The following PDZK1 variants were observed in gnomAD, a reference collection of about 807,000 sequenced individuals.
PDZK1 encodes the protein Na(+)/H(+) exchange regulatory cofactor NHE-RF3.
In PDZK1, 23 loss-of-function variants were observed where a neutral mutation model predicts 38.1. That is an observed-to-expected ratio of 0.60 (90% CI 0.43 to 0.85). PDZK1 has a LOEUF of 0.85. Ranked by LOEUF, PDZK1 falls within the 40% of genes least tolerant of loss-of-function variation. The pLI is 0.00. For synonymous variants in PDZK1, 98 were observed against 186.2 expected (o/e 0.53, Z 3.86); for missense variants, 297 against 504.3 (o/e 0.59, Z 3.94).
At chr1:145,691,283 G>A (rs1655216154) in intron 1 of PDZK1, among the ~76,000 whole-genome samples, 1 of 152,154 alleles carries the variant, frequency 6.6e-6, no homozygotes, top group Non-Finnish European at 1.5e-5. Flanking sequence ...GATTCATCTA[G>A]GAGCCAAGGG....
intron 1 of PDZK1, among the ~76,000 whole-genome samples, chr1:145,688,795 C>G (rs9661493): frequency 0.031 from 4,642 of 152,152 alleles, 221 homozygotes; most frequent in African/African-American, 0.11. Context: ...CCCAGCTCTA[C>G]TAAAATTACA....
chr1:145,675,158 A>G, intron 6 of PDZK1, among the ~76,000 whole-genome samples: 1 of 150,458 alleles, frequency 6.6e-6, no homozygotes, highest in Non-Finnish European at 1.5e-5. Context: ...CATGTAAAGA[A>G]ATGATGATCT....
intron 1 of PDZK1, among the ~76,000 whole-genome samples, chr1:145,697,799 T>C (rs1263857591): frequency 3.7e-5 from 4 of 107,020 alleles, no homozygotes; most frequent in South Asian, 3.2e-4. Context: ...TTTTTTTTTT[T>C]AGTAGAGACA....
intron 8 of PDZK1, 28 bp from the exon 9 acceptor site, chr1:145,671,517 A>G (rs1553697842): frequency 1.4e-6 from 2 of 1,423,176 alleles, no homozygotes; most frequent in South Asian, 2.4e-5. Flanking sequence ...AAGAATTTAC[A>G]AATGGTAGAG....
At position 145,705,701 on chromosome 1, in the gene PDZK1, C is replaced by T. The variant is rs587627258; in HGVS notation, c.-3+1616G>A. Among the ~76,000 whole-genome samples, 3 of 152,210 alleles carry T rather than the reference C, an allele frequency of 2.0e-5. No homozygotes were observed. The East Asian group carries it at 5.8e-4, about 29-fold the overall frequency. On this transcript the variant is annotated intron_variant, in intron 1 of 8. Coordinates refer to ENST00000417171, the MANE Select transcript of PDZK1 (RefSeq NM_001201325.2). ...CTTCTTACTATTCTACAGAGACTTTCGATATACACATTTGAAATCTAGGCA... is the reference window on the plus strand; with the variant it reads ...CTTCTTACTATTCTACAGAGACTTTTGATATACACATTTGAAATCTAGGCA...
At chr1:145,685,655 C>G (rs1475254153) in intron 3 of PDZK1, among the ~76,000 whole-genome samples, 1 of 152,090 alleles carries the variant, frequency 6.6e-6, no homozygotes, top group Non-Finnish European at 1.5e-5. Flanking sequence ...CTTGCCAAAT[C>G]ATGACCTACC....
intron 1 of PDZK1, among the ~76,000 whole-genome samples, chr1:145,696,532 G>A (rs1014531859): frequency 1.3e-5 from 2 of 152,202 alleles, no homozygotes; most frequent in Non-Finnish European, 2.9e-5. Flanking sequence ...AGACATCAGA[G>A]AGGCACTTGC....
chr1:145,686,245 C>T (rs1369783289), intron 3 of PDZK1, among the ~76,000 whole-genome samples: 1 of 152,088 alleles, frequency 6.6e-6, no homozygotes, highest in East Asian at 1.9e-4. Context: ...GTACCCAGTG[C>T]CCCCCACCCC....
intron 6 of PDZK1, among the ~76,000 whole-genome samples, chr1:145,677,063 A>G (rs1553699437): frequency 6.6e-6 from 1 of 152,206 alleles, no homozygotes; most frequent in East Asian, 1.9e-4. Context: ...CTATATTACC[A>G]GGTATTCCAA....
At chr1:145,698,842 G>T (rs1236021687) in intron 1 of PDZK1, among the ~76,000 whole-genome samples, 3 of 152,130 alleles carry the variant, frequency 2.0e-5, no homozygotes, top group Non-Finnish European at 4.4e-5. Context: ...TGAGACAGGA[G>T]AATTGCTTGA....
intron 3 of PDZK1, among the ~76,000 whole-genome samples, chr1:145,685,999 A>G (rs1195051285): frequency 6.6e-6 from 1 of 152,228 alleles, no homozygotes; most frequent in Non-Finnish European, 1.5e-5. Context: ...TGCCTGGCAC[A>G]TCAGCAGGTG....
chr1:145,688,836 G>C (rs1248628668), intron 1 of PDZK1, among the ~76,000 whole-genome samples: 1 of 152,096 alleles, frequency 6.6e-6, no homozygotes, highest in Non-Finnish European at 1.5e-5. Flanking sequence ...GCAGCCACCT[G>C]TTGTCCCAGC....
intron 6 of PDZK1, among the ~76,000 whole-genome samples, chr1:145,677,197 T>C (rs1553699465): frequency 6.6e-6 from 1 of 152,196 alleles, no homozygotes; most frequent in Non-Finnish European, 1.5e-5. Flanking sequence ...TTCTGGTCTT[T>C]TTCTGTAGTC....
intron 8 of PDZK1, among the ~76,000 whole-genome samples, chr1:145,672,097 C>A (rs190666723): frequency 6.6e-6 from 1 of 152,242 alleles, no homozygotes; most frequent in Non-Finnish European, 1.5e-5. Flanking sequence ...TCAAGTTCAT[C>A]TATGAAAAAT....
chr1:145,701,812 C>T (rs782232236), intron 1 of PDZK1, among the ~76,000 whole-genome samples: 110 of 152,184 alleles, frequency 7.2e-4, no homozygotes, highest in Non-Finnish European at 1.0e-3. Flanking sequence ...ATAAAGACAA[C>T]TCAATTTCAC....
In PDZK1 at chr1:145,672,910, T is replaced by C; in HGVS notation, c.1326A>G (p.Arg442=). Residue 442 remains arginine, a synonymous_variant, in exon 8 of 9, where the codon AGA becomes AGG. Transcript: ENST00000417171. ...LDEPYEKVVD[R]IQSSGKNVTL... ...TGACATTCTTCCCACTGCTCTGGAT[T>C]CTATCCACCACCTTCTCATAGGGTT... 6.2e-7 allele frequency: 1 copy of C among 1,604,326 alleles called. No homozygotes were observed. Among genetic ancestry groups the C allele is most frequent in the Non-Finnish European group, 8.5e-7 (1 of 1,173,460 alleles).
At chr1:145,694,735 A>G (rs1655515192) in intron 1 of PDZK1, among the ~76,000 whole-genome samples, 1 of 151,700 alleles carries the variant, frequency 6.6e-6, no homozygotes, top group Non-Finnish European at 1.5e-5. Context: ...TGTCTCTACT[A>G]AAAATACAAA....
rs1654056899 is a variant in PDZK1 at position 145,679,806 on chromosome 1, A to G, written c.793+1106T>C. On this transcript the variant is annotated intron_variant, in intron 5 of 8. Transcript: ENST00000417171. Reference sequence around the variant, plus strand: ...TATACTGCTCAAAAAACAACTCCCCATTGTCTGATAAGCCAAGTTCAAACT... The same window carrying G: ...TATACTGCTCAAAAAACAACTCCCCGTTGTCTGATAAGCCAAGTTCAAACT... 2.6e-5 allele frequency among the ~76,000 whole-genome samples: 4 copies of G among 152,238 alleles called. No homozygotes were observed. In the South Asian group the frequency reaches 8.3e-4, roughly 32 times the overall value.
chr1:145,687,823 C>G lies in PDZK1; in HGVS notation c.199G>C (p.Glu67Gln), dbSNP rs2101905275. 4 of 1,612,534 alleles carry G rather than the reference C, an allele frequency of 2.5e-6. No homozygotes were observed. The highest frequency in any genetic ancestry group is 4.5e-5 in the East Asian group (2 of 44,870). ...RINGVFVDKEEHMQVVDLVRK... is the reference protein window; with the variant it reads ...RINGVFVDKEQHMQVVDLVRK... Reference sequence around the variant, plus strand: ...AATGTCTCATTCACCTGCATATGTTCTTCTTTGTCCACAAAGACACCATTG... The same window carrying G: ...AATGTCTCATTCACCTGCATATGTTGTTCTTTGTCCACAAAGACACCATTG... Residue 67 changes from glutamate to glutamine, a missense_variant, in exon 2 of 9, where the codon GAA becomes CAA. By Grantham distance (29) the Glu-to-Gln change is conservative. Around this residue, in one of 5 missense-constraint regions of PDZK1, gnomAD observed 159 missense variants for 200.0 expected, o/e 0.79. Coordinates refer to ENST00000417171, the MANE Select transcript of PDZK1 (RefSeq NM_001201325.2).
Sources: allele counts gnomAD v4.1 joint callset (sites outside exome capture counted in the v4.1 genomes callset), GRCh38; gene constraint gnomAD v4.1.1; regional missense constraint gnomAD v4.1.1; transcripts MANE v1.5; gene names NCBI Gene and HGNC (gene_info 2026-07-23, HGNC 2026-07-21).